Variants in CNTNAP2 observed in about 807,000 individuals in gnomAD.
CNTNAP2 encodes contactin-associated protein-like 2.
CNTNAP2 carries 98 observed loss-of-function variants against 155.2 expected under a neutral mutation model. The observed-to-expected ratio is 0.63, with a 90% confidence interval of 0.54 to 0.75. CNTNAP2 has a LOEUF of 0.75. Among genes scored for constraint, CNTNAP2 ranks in the 30% least tolerant of loss-of-function variants. CNTNAP2 has a pLI of 0.00. For synonymous variants in CNTNAP2, 651 were observed against 631.2 expected, an observed-to-expected ratio of 1.03 and a Z score of -0.47; for missense variants, 1,727 against 1,688.1, an observed-to-expected ratio of 1.02 and a Z score of -0.40.
At chr7:147,916,096 A>G (rs530530435) in intron 14 of CNTNAP2, among the ~76,000 whole-genome samples, 1 of 152,326 alleles carries the variant, frequency 6.6e-6, no homozygotes, top group Admixed American at 6.5e-5. Context: ...AAACTTCAGG[A>G]GGCTCATCCA....
chr7:147,804,872 T>TCC (rs1159291857), intron 13 of CNTNAP2, among the ~76,000 whole-genome samples: 6 of 151,922 alleles, frequency 3.9e-5, no homozygotes, highest in African/African-American at 1.5e-4. Context: ...GTTTTTAACC[T>TCC]CACCACCTCC....
chr7:148,187,947 C>G (rs1465834431), intron 18 of CNTNAP2, among the ~76,000 whole-genome samples: 1 of 152,040 alleles, frequency 6.6e-6, no homozygotes, highest in Non-Finnish European at 1.5e-5. Flanking sequence ...CACCCCCTAC[C>G]CATCACAGAC....
At chr7:146,722,896 G>T (rs113008161) in intron 1 of CNTNAP2, among the ~76,000 whole-genome samples, 7,233 of 152,004 alleles carry the variant, frequency 0.048, 265 homozygotes, top group East Asian at 0.12. Context: ...GCATCTCTAA[G>T]CCCAGCTACT....
At chr7:147,444,703 T>G (rs1797702574) in intron 10 of CNTNAP2, among the ~76,000 whole-genome samples, 1 of 152,216 alleles carries the variant, frequency 6.6e-6, no homozygotes, top group East Asian at 1.9e-4. Flanking sequence ...ATGAGAGGAA[T>G]TATTGGGCAA....
At chr7:147,582,584 A>G (rs1241771782) in intron 12 of CNTNAP2, among the ~76,000 whole-genome samples, 1 of 152,182 alleles carries the variant, frequency 6.6e-6, no homozygotes, top group Non-Finnish European at 1.5e-5. Context: ...GAATAAATCA[A>G]TTCCCTCCAG....
chr7:148,006,644 C>CA (rs5888302), intron 15 of CNTNAP2, among the ~76,000 whole-genome samples: 6,769 of 61,364 alleles, frequency 0.11, 259 homozygotes, highest in East Asian at 0.36. Flanking sequence ...ATATCCCAGA[C>CA]AAAAAAAAAA....
intron 14 of CNTNAP2, among the ~76,000 whole-genome samples, chr7:147,938,907 T>A (rs529097045): frequency 6.6e-6 from 1 of 152,208 alleles, no homozygotes; most frequent in Non-Finnish European, 1.5e-5. Context: ...AGGCTACTCA[T>A]CACAGAGTCC....
intron 2 of CNTNAP2, among the ~76,000 whole-genome samples, chr7:146,800,905 G>T (rs1424224093): frequency 2.6e-5 from 4 of 151,922 alleles, no homozygotes; most frequent in African/African-American, 9.7e-5. Context: ...ATGCAATGTG[G>T]GAAAAGTATA....
Position 147,575,372 on chromosome 7 carries a change from GT to G in CNTNAP2, c.1897+13116del, listed in dbSNP as rs1584825037. The stretch of plus-strand genomic sequence containing the variant: ...GTGTGTGTATTCCCTAGCTTTAGGG[GT>G]GTGTGTGTGTGTGTGTGTGTGTGTG... On this transcript the variant is annotated intron_variant, in intron 12 of 23. Transcript: ENST00000361727. 6.5e-4 allele frequency among the ~76,000 whole-genome samples: 29 copies of G among 44,572 alleles called. 1 individual carries two copies. Among genetic ancestry groups the G allele is most frequent in the South Asian group, 3.7e-3 (5 of 1,350 alleles). 29.2% of individuals were successfully genotyped at this position (44,572 alleles called of 152,430 possible).
At chr7:146,274,271 A>C (rs549394975) in intron 1 of CNTNAP2, among the ~76,000 whole-genome samples, 1 of 152,346 alleles carries the variant, frequency 6.6e-6, no homozygotes, top group Admixed American at 6.5e-5. Flanking sequence ...CTTTTAAGTA[A>C]GCCTCCCAGG....
At chr7:146,147,163 ATTC>A (rs1339266518) in intron 1 of CNTNAP2, among the ~76,000 whole-genome samples, 1 of 152,120 alleles carries the variant, frequency 6.6e-6, no homozygotes. Flanking sequence ...GAATTTGATC[ATTC>A]TTCTTTCTCT....
At chr7:146,927,975 T>C (rs370156270) in intron 3 of CNTNAP2, among the ~76,000 whole-genome samples, 2 of 140,552 alleles carry the variant, frequency 1.4e-5, no homozygotes, top group Non-Finnish European at 3.2e-5. Flanking sequence ...TATATATATA[T>C]ATAAATATAT....
chr7:148,100,608 GTCCCTTA>G (rs1269110416), intron 15 of CNTNAP2, among the ~76,000 whole-genome samples: 2 of 152,126 alleles, frequency 1.3e-5, no homozygotes, highest in Non-Finnish European at 2.9e-5. Flanking sequence ...AAAATAGCTT[GTCCCTTA>G]ACAACATACA....
intron 1 of CNTNAP2, among the ~76,000 whole-genome samples, chr7:146,763,310 T>C (rs1328628126): frequency 1.3e-5 from 2 of 152,144 alleles, no homozygotes; most frequent in Non-Finnish European, 2.9e-5. Context: ...CTCTTTTCCA[T>C]TAAGTTCTGC....
intron 21 of CNTNAP2, among the ~76,000 whole-genome samples, chr7:148,306,769 G>T (rs554378465): frequency 3.4e-4 from 51 of 151,008 alleles, no homozygotes; most frequent in African/African-American, 1.0e-3. Flanking sequence ...GTTGGTTGGT[G>T]TGTGTGTGTG....
intron 9 of CNTNAP2, among the ~76,000 whole-genome samples, chr7:147,384,332 A>G (rs1162749276): frequency 6.6e-6 from 1 of 152,200 alleles, no homozygotes. Context: ...TTTAATTCAT[A>G]TTGTTTTAAT....
intron 1 of CNTNAP2, among the ~76,000 whole-genome samples, chr7:146,163,834 A>G (rs1327184291): frequency 6.6e-6 from 1 of 152,086 alleles, no homozygotes; most frequent in Non-Finnish European, 1.5e-5. Flanking sequence ...GATTGTTTTT[A>G]TTTAGGAATG....
Position 146,973,847 on chromosome 7 carries a change from T to C in CNTNAP2, c.403-70060T>C. On this transcript the variant is annotated intron_variant, in intron 3 of 23. Transcript: ENST00000361727. ...CTGGATTTCCAAGGTGATCCCCCTTTTCTAAAAGAAATAATCATAATCTCT... is the reference window on the plus strand; with the variant it reads ...CTGGATTTCCAAGGTGATCCCCCTTCTCTAAAAGAAATAATCATAATCTCT... Among the ~76,000 whole-genome samples the C allele has an allele frequency of 2.0e-5, 3 of 152,294 alleles. 1 individual carries two copies. In the Middle Eastern group the frequency reaches 0.01, roughly 518 times the overall value.
chr7:147,855,861 T>C (rs1799026306), intron 13 of CNTNAP2, among the ~76,000 whole-genome samples: 1 of 152,140 alleles, frequency 6.6e-6, no homozygotes, highest in African/African-American at 2.4e-5. Context: ...GGCTCTCTGG[T>C]GTCTAAAAAG....
Sources: allele counts gnomAD v4.1 joint callset (sites outside exome capture counted in the v4.1 genomes callset), GRCh38; gene constraint gnomAD v4.1.1; transcripts MANE v1.5; gene names NCBI Gene and HGNC (gene_info 2026-07-23, HGNC 2026-07-21).